The following SCML4 variants were observed in gnomAD, a reference collection of about 807,000 sequenced individuals.
SCML4 encodes the protein Scm polycomb group protein like 4.
Under a neutral mutation model 41.1 loss-of-function variants are expected in SCML4, and 34 were observed. The ratio of observed to expected loss-of-function variants is 0.83; its 90% CI spans 0.63 to 1.10. The LOEUF is 1.10. SCML4 is among the 50% of genes least tolerant of loss of function. The pLI is 0.00. For missense variants in SCML4, 522 were observed against 534.1 expected, an observed-to-expected ratio of 0.98 and a Z score of 0.22; for synonymous variants, 214 against 220.9, an observed-to-expected ratio of 0.97 and a Z score of 0.28.
chr6:107,779,592 G>A (rs1411644373), intron 1 of SCML4, among the ~76,000 whole-genome samples: 1 of 152,174 alleles, frequency 6.6e-6, no homozygotes, highest in African/African-American at 2.4e-5. Flanking sequence ...TAACTGCATG[G>A]AGTGTGTTCC....
At chr6:107,728,823 C>T (rs1776248018) in intron 5 of SCML4, among the ~76,000 whole-genome samples, 1 of 152,148 alleles carries the variant, frequency 6.6e-6, no homozygotes, top group Non-Finnish European at 1.5e-5. Context: ...ACAAATCAAC[C>T]AAGCCCCAGA....
At chr6:107,840,358 T>A in the SCML4 span, among the ~76,000 whole-genome samples, 1 of 152,360 alleles carries the variant, frequency 6.6e-6, no homozygotes, top group East Asian at 1.9e-4. Flanking sequence ...CACACACCTA[T>A]CACAGACAGG....
In SCML4 at chr6:107,707,854, C is replaced by A. The variant is rs528215912; in HGVS notation, c.1119+12G>T. 300 of 1,551,606 alleles carry A rather than the reference C, an allele frequency of 1.9e-4. No individual in the cohort carries two copies. The highest frequency in any genetic ancestry group is 2.4e-4 in the Non-Finnish European group (277 of 1,147,020). On this transcript the variant is annotated intron_variant, in intron 7 of 7. Transcript: ENST00000369020. Reference sequence around the variant, plus strand: ...TCAATCCCCCCCAAGGTCAAACCCACCACTCGCATACGTGCTTTCTGAAGA... The same window carrying A: ...TCAATCCCCCCCAAGGTCAAACCCAACACTCGCATACGTGCTTTCTGAAGA...
chr6:107,714,597 C>G (rs1415468526), intron 6 of SCML4, among the ~76,000 whole-genome samples: 1 of 152,186 alleles, frequency 6.6e-6, no homozygotes, highest in Non-Finnish European at 1.5e-5. Flanking sequence ...CCATCTTGTT[C>G]ACAGCTCTGT....
the SCML4 span, among the ~76,000 whole-genome samples, chr6:107,845,255 T>C: frequency 2.6e-5 from 4 of 151,950 alleles, no homozygotes; most frequent in Non-Finnish European, 5.9e-5. Flanking sequence ...ATCCCCAACA[T>C]AGTAACACAA....
intron 5 of SCML4, among the ~76,000 whole-genome samples, chr6:107,722,789 A>G (rs1044380952): frequency 6.6e-6 from 1 of 152,256 alleles, no homozygotes; most frequent in South Asian, 2.1e-4. Context: ...TGTGATACAG[A>G]TAAGTAGTGG....
chr6:107,766,718 G>T (rs1468615949), intron 2 of SCML4, among the ~76,000 whole-genome samples: 1 of 152,180 alleles, frequency 6.6e-6, no homozygotes, highest in Non-Finnish European at 1.5e-5. Flanking sequence ...CCAGCCCTGG[G>T]TGCATGGGCA....
intron 5 of SCML4, among the ~76,000 whole-genome samples, chr6:107,735,016 C>T (rs1052805098): frequency 2.0e-5 from 3 of 152,120 alleles, no homozygotes; most frequent in African/African-American, 7.2e-5. Flanking sequence ...ACTGTGATTA[C>T]AGGCATCCAC....
chr6:107,711,838 G>C (rs926584903), intron 6 of SCML4, among the ~76,000 whole-genome samples: 13 of 152,114 alleles, frequency 8.5e-5, no homozygotes, highest in African/African-American at 3.1e-4. Context: ...GCTTTCTGCT[G>C]TCTCTGTCTC....
intron 5 of SCML4, among the ~76,000 whole-genome samples, chr6:107,726,027 A>C (rs1437350778): frequency 6.8e-6 from 1 of 148,028 alleles, no homozygotes; most frequent in Non-Finnish European, 1.5e-5. Flanking sequence ...CAGTGAGCCG[A>C]GATGGCGCCA....
chr6:107,827,750 G>A (rs1785303503), upstream of SCML4, among the ~76,000 whole-genome samples: 1 of 152,184 alleles, frequency 6.6e-6, no homozygotes, highest in African/African-American at 2.4e-5. Context: ...GTGCTACTGG[G>A]CTGGTGGTTA....
chr6:107,809,467 G>T (rs1022103962), intron 1 of SCML4, among the ~76,000 whole-genome samples: 1 of 152,216 alleles, frequency 6.6e-6, no homozygotes, highest in African/African-American at 2.4e-5. Flanking sequence ...CCCTGTGAAG[G>T]GTGCTAATGA....
At chr6:107,785,778 C>T (rs1356092827) in intron 1 of SCML4, among the ~76,000 whole-genome samples, 1 of 152,162 alleles carries the variant, frequency 6.6e-6, no homozygotes, top group Non-Finnish European at 1.5e-5. Context: ...TCTGAAGCAA[C>T]TAGTATCTCA....
At chr6:107,728,797 G>A (rs1776244264) in intron 5 of SCML4, among the ~76,000 whole-genome samples, 2 of 152,138 alleles carry the variant, frequency 1.3e-5, no homozygotes, top group African/African-American at 2.4e-5. Flanking sequence ...GTCTGCCCAG[G>A]TGGACAACTG....
intron 1 of SCML4, among the ~76,000 whole-genome samples, chr6:107,822,699 A>G (rs1338070221): frequency 1.3e-5 from 2 of 152,144 alleles, no homozygotes. Context: ...AGAGCTAAAG[A>G]AAACACATTC....
At chr6:107,798,732 C>T (rs1163778922) in intron 1 of SCML4, among the ~76,000 whole-genome samples, 1 of 151,924 alleles carries the variant, frequency 6.6e-6, no homozygotes, top group Non-Finnish European at 1.5e-5. Context: ...TATTTAAAAC[C>T]ACAAATTCCC....
chr6:107,842,050 A>G, the SCML4 span, among the ~76,000 whole-genome samples: 4 of 152,204 alleles, frequency 2.6e-5, no homozygotes, highest in Admixed American at 2.0e-4. Flanking sequence ...TTCTAATATA[A>G]GCATTTAATG....
intron 5 of SCML4, among the ~76,000 whole-genome samples, chr6:107,736,659 A>G (rs1192260815): frequency 6.6e-6 from 1 of 152,212 alleles, no homozygotes; most frequent in Middle Eastern, 3.2e-3. Flanking sequence ...TTAAAAATAA[A>G]TGATCTTTTG....
At chr6:107,776,806 A>G (rs1780990803) in intron 1 of SCML4, among the ~76,000 whole-genome samples, 1 of 152,254 alleles carries the variant, frequency 6.6e-6, no homozygotes, top group Non-Finnish European at 1.5e-5. Flanking sequence ...TAATAGTGAA[A>G]TACTGAAAGC....
Sources: gnomAD v4.1 joint callset for allele counts (sites outside exome capture counted in the v4.1 genomes callset) on GRCh38, gnomAD v4.1.1 for gene constraint, MANE v1.5 for transcripts, NCBI Gene and HGNC (gene_info 2026-07-23, HGNC 2026-07-21) for gene names.